The following RBFOX3 variants were observed in gnomAD, a reference collection of about 807,000 sequenced individuals.
The protein encoded by RBFOX3 is RNA binding fox-1 homolog 3.
In RBFOX3, 17 loss-of-function variants were observed where a neutral mutation model predicts 48.7. That is an observed-to-expected ratio of 0.35 (90% CI 0.24 to 0.52). The LOEUF is 0.52. Ranked by LOEUF, RBFOX3 falls within the 20% of genes least tolerant of loss-of-function variation. The pLI is 0.94. For synonymous variants in RBFOX3, 212 were observed against 209.5 expected (o/e 1.01, Z -0.10); for missense variants, 382 against 497.5 (o/e 0.77, Z 2.21).
chr17:79,211,552 G>A (rs976747279), intron 4 of RBFOX3, among the ~76,000 whole-genome samples: 20 of 152,332 alleles, frequency 1.3e-4, no homozygotes, highest in East Asian at 1.9e-4. Context: ...GATAGGGGCC[G>A]TGTCGCTGCT....
intron 4 of RBFOX3, among the ~76,000 whole-genome samples, chr17:79,167,647 C>A (rs965366121): frequency 2.0e-5 from 3 of 152,210 alleles, no homozygotes; most frequent in Non-Finnish European, 4.4e-5. Context: ...AGTCTGCCTG[C>A]CCCCGCAGAG....
chr17:79,213,267 G>A (rs1468769620), intron 4 of RBFOX3, among the ~76,000 whole-genome samples: 2 of 152,200 alleles, frequency 1.3e-5, no homozygotes, highest in Non-Finnish European at 2.9e-5. Context: ...GTTGGAGCAG[G>A]TGGCTCCCTC....
chr17:79,482,505 G>T lies in RBFOX3; in HGVS notation c.-226C>A, dbSNP rs2078914627. The T allele has an allele frequency of 6.6e-6, 1 of 152,254 alleles. No individual in the cohort carries two copies. Among genetic ancestry groups the T allele is most frequent in the African/African-American group, 2.4e-5 (1 of 41,448 alleles). 9.4% of individuals were successfully genotyped at this position (152,254 alleles called of 1,614,324 possible). A position where few individuals can be genotyped will look rare whatever the true frequency, so the allele number is the denominator to read the frequency against. ...TGCTGAGCGGGGAGGCCCCAGTGGG[G>T]CTCCTTCTGGACCGTCCTTGGCAAG... is the stretch of plus-strand genomic sequence containing the variant. On this transcript the variant is annotated 5_prime_UTR_variant, in exon 2 of 15. Coordinates refer to ENST00000693108, the MANE Select transcript of RBFOX3 (RefSeq NM_001350451.2). The surrounding 1 kb of genome is among the most constrained non-coding windows in gnomAD (Gnocchi z 4.1).
chr17:79,175,617 C>T (rs555024782), intron 4 of RBFOX3, among the ~76,000 whole-genome samples: 12 of 152,370 alleles, frequency 7.9e-5, no homozygotes, highest in Admixed American at 2.6e-4. Context: ...TCTCCTGCCC[C>T]GCTGCCCTGG....
At chr17:79,226,232 G>T (rs2060297754) in intron 4 of RBFOX3, among the ~76,000 whole-genome samples, 1 of 152,194 alleles carries the variant, frequency 6.6e-6, no homozygotes, top group African/African-American at 2.4e-5. Flanking sequence ...GTCCTATATG[G>T]GAGGGTATTG....
At chr17:79,181,962 AACACACAC>A (rs56842759) in intron 4 of RBFOX3, among the ~76,000 whole-genome samples, 50,146 of 148,210 alleles carry the variant, frequency 0.34, 8,419 homozygotes, top group East Asian at 0.42. Context: ...GTCTCCAAGA[AACACACAC>A]ACACACACAC....
the RBFOX3 span, among the ~76,000 whole-genome samples, chr17:79,663,919 T>G: frequency 1.3e-5 from 2 of 152,092 alleles, no homozygotes; most frequent in African/African-American, 4.8e-5. Flanking sequence ...GTATAAAGCT[T>G]GGGAGAGAAC....
intron 3 of RBFOX3, among the ~76,000 whole-genome samples, chr17:79,248,874 A>T (rs1751755218): frequency 6.6e-6 from 1 of 152,186 alleles, no homozygotes; most frequent in African/African-American, 2.4e-5. Flanking sequence ...CTCCGCAGAG[A>T]TTCTCCTTCT....
At chr17:79,330,059 G>T (rs11868342) in intron 2 of RBFOX3, among the ~76,000 whole-genome samples, 29 of 152,312 alleles carry the variant, frequency 1.9e-4, no homozygotes, top group South Asian at 1.7e-3. Context: ...AGTTAAGCTG[G>T]GCAGAAAAAC....
In RBFOX3 at chr17:79,332,741, A is replaced by G. The variant is rs559746133; in HGVS notation, c.-174-24917T>C. ...ACAGAGCCTGAGAGACAAAGAGAGC[A>G]GAGACACAGAGAGAGACAGAGAGAT... is the stretch of plus-strand genomic sequence containing the variant. On this transcript the variant is annotated intron_variant, in intron 2 of 14. Coordinates refer to ENST00000693108, the MANE Select transcript of RBFOX3 (RefSeq NM_001350451.2). Among the ~76,000 whole-genome samples, 350 of 126,968 alleles carry G rather than the reference A, an allele frequency of 2.8e-3. 1 individual carries two copies. The highest frequency in any genetic ancestry group is 9.0e-3 in the African/African-American group (328 of 36,284). The allele number at this position is 126,968 out of a possible 152,430, so 83.3% of individuals were successfully genotyped here.
At chr17:79,159,708 A>G (rs2046554373) in intron 4 of RBFOX3, among the ~76,000 whole-genome samples, 1 of 152,080 alleles carries the variant, frequency 6.6e-6, no homozygotes, top group Non-Finnish European at 1.5e-5. Flanking sequence ...ACACACACAG[A>G]GTGACGTGCA....
At chr17:79,561,180 T>C (rs1240852145) in intron 1 of RBFOX3, among the ~76,000 whole-genome samples, 1 of 152,198 alleles carries the variant, frequency 6.6e-6, no homozygotes, top group Admixed American at 6.5e-5. Flanking sequence ...GTGACTGCTT[T>C]GCAAAGGGTC....
chr17:79,458,472 C>T (rs1598782137), intron 2 of RBFOX3, among the ~76,000 whole-genome samples: 1 of 101,496 alleles, frequency 9.9e-6, no homozygotes, highest in South Asian at 2.8e-4. Flanking sequence ...CCTGTGTGTG[C>T]GTGTGCGTGA....
chr17:79,106,972 G>A (rs2077494754), intron 5 of RBFOX3, among the ~76,000 whole-genome samples, 184 bp from the exon 6 acceptor site: 1 of 152,118 alleles, frequency 6.6e-6, no homozygotes, highest in African/African-American at 2.4e-5. Context: ...ACAGCACAGG[G>A]GCACCTCACA....
chr17:79,111,049 T>C lies in RBFOX3; in HGVS notation c.223-4261A>G, dbSNP rs889445586. On this transcript the variant is annotated intron_variant, in intron 5 of 14. Transcript: ENST00000693108. The surrounding 1 kb of genome is among the most constrained non-coding windows in gnomAD (Gnocchi z 4.2). ...AGGGCCTTGGCCAGACTGTGAAGCCTGTAGTTATAGATGAGGTGGTCCAAA... is the reference window on the plus strand; with the variant it reads ...AGGGCCTTGGCCAGACTGTGAAGCCCGTAGTTATAGATGAGGTGGTCCAAA... Among the ~76,000 whole-genome samples the C allele has an allele frequency of 5.3e-5, 8 of 152,172 alleles. No individual in the cohort carries two copies. The highest frequency in any genetic ancestry group is 1.9e-4 in the African/African-American group (8 of 41,454).
chr17:79,360,239 G>A (rs538789722), intron 2 of RBFOX3, among the ~76,000 whole-genome samples: 7 of 152,206 alleles, frequency 4.6e-5, no homozygotes, highest in South Asian at 4.2e-4. Context: ...CAACGATATC[G>A]ATATCTGAAG....
intron 1 of RBFOX3, among the ~76,000 whole-genome samples, chr17:79,533,510 G>GA: frequency 1.3e-5 from 2 of 152,380 alleles, no homozygotes; most frequent in East Asian, 3.9e-4. Context: ...TCTCCTGGCC[G>GA]ACTGGGGGAG....
At chr17:79,128,614 T>C (rs2147404456) in intron 4 of RBFOX3, among the ~76,000 whole-genome samples, 1 of 152,276 alleles carries the variant, frequency 6.6e-6, no homozygotes, top group South Asian at 2.1e-4. Context: ...TGAGCATCCC[T>C]GCCGGATGAG....
chr17:79,281,395 G>C (rs1044159716), intron 3 of RBFOX3, among the ~76,000 whole-genome samples: 1 of 151,742 alleles, frequency 6.6e-6, no homozygotes, highest in Non-Finnish European at 1.5e-5. Context: ...CAGGTGCCTT[G>C]GGCCTGGAGG....
Sources: gnomAD v4.1 joint callset for allele counts (sites outside exome capture counted in the v4.1 genomes callset) on GRCh38, gnomAD v4.1.1 for gene constraint, Gnocchi (gnomAD v3.1) non-coding constraint, MANE v1.5 for transcripts, NCBI Gene and HGNC (gene_info 2026-07-23, HGNC 2026-07-21) for gene names.